Variants in MGMT observed in about 807,000 individuals in gnomAD.
MGMT encodes the protein methylated-DNA--protein-cysteine methyltransferase.
A neutral mutation model predicts 15.9 loss-of-function variants in MGMT; 14 were observed. The ratio of observed to expected loss-of-function variants is 0.88; its 90% CI spans 0.58 to 1.37. The LOEUF is 1.37. Among genes scored for constraint, MGMT ranks in the 40% most tolerant of loss-of-function variants. The probability of loss-of-function intolerance (pLI) is 0.00; values close to 1 mark genes in which losing one functional copy is unlikely to be tolerated. For missense variants in MGMT, 282 were observed against 268.1 expected, an observed-to-expected ratio of 1.05 and a Z score of -0.36; for synonymous variants, 130 against 118.2, an observed-to-expected ratio of 1.10 and a Z score of -0.65.
At chr10:129,579,835 T>C (rs1846531653) in intron 2 of MGMT, among the ~76,000 whole-genome samples, 1 of 152,184 alleles carries the variant, frequency 6.6e-6, no homozygotes, top group Non-Finnish European at 1.5e-5. Flanking sequence ...TTGACCTATA[T>C]GTTTTTGTTT....
At chr10:129,478,373 C>T (rs1458453855) in intron 1 of MGMT, among the ~76,000 whole-genome samples, 1 of 152,212 alleles carries the variant, frequency 6.6e-6, no homozygotes, top group Non-Finnish European at 1.5e-5. Context: ...TAAGATAGCT[C>T]TCTGAGACTG....
intron 2 of MGMT, among the ~76,000 whole-genome samples, chr10:129,671,874 T>C (rs1262302619): frequency 6.6e-6 from 1 of 152,234 alleles, no homozygotes; most frequent in Non-Finnish European, 1.5e-5. Flanking sequence ...AGATTGGCTA[T>C]GGACATGAGT....
At chr10:129,511,988 G>A (rs1845689193) in intron 1 of MGMT, among the ~76,000 whole-genome samples, 1 of 152,248 alleles carries the variant, frequency 6.6e-6, no homozygotes, top group Non-Finnish European at 1.5e-5. Flanking sequence ...CCAGGTCGAG[G>A]ATTTAAAGCC....
chr10:129,652,145 A>G (rs1290995746), intron 2 of MGMT, among the ~76,000 whole-genome samples: 5 of 152,274 alleles, frequency 3.3e-5, no homozygotes, highest in Non-Finnish European at 5.9e-5. Context: ...CCAGGACTGA[A>G]GACAACAGAA....
chr10:129,672,272 G>C (rs1271726974), intron 2 of MGMT, among the ~76,000 whole-genome samples: 3 of 152,228 alleles, frequency 2.0e-5, no homozygotes, highest in Admixed American at 6.5e-5. Context: ...TGAGAAGTCA[G>C]CTCTTCTTTC....
At chr10:129,605,575 AT>A (rs1272502916) in intron 2 of MGMT, among the ~76,000 whole-genome samples, 1 of 151,932 alleles carries the variant, frequency 6.6e-6, no homozygotes, top group African/African-American at 2.4e-5. Context: ...AGTGGATCAT[AT>A]TTAAAAAAAA....
chr10:129,716,756 T>C (rs1055466696), intron 3 of MGMT, among the ~76,000 whole-genome samples: 4 of 152,212 alleles, frequency 2.6e-5, no homozygotes, highest in Non-Finnish European at 4.4e-5. Context: ...CTGTAGAAAC[T>C]GTACCTATTT....
At chr10:129,656,018 G>A (rs1268455136) in intron 2 of MGMT, among the ~76,000 whole-genome samples, 1 of 152,188 alleles carries the variant, frequency 6.6e-6, no homozygotes, top group African/African-American at 2.4e-5. Context: ...TCTCAGAAGG[G>A]TCAGCTAGCC....
chr10:129,631,879 T>C (rs1296647420), intron 2 of MGMT, among the ~76,000 whole-genome samples: 5 of 152,196 alleles, frequency 3.3e-5, no homozygotes, highest in Non-Finnish European at 7.3e-5. Flanking sequence ...AATTAACTAT[T>C]ATTTATGTTT....
chr10:129,529,089 G>A (rs1419965730), intron 1 of MGMT, among the ~76,000 whole-genome samples: 1 of 152,020 alleles, frequency 6.6e-6, no homozygotes, highest in Non-Finnish European at 1.5e-5. Context: ...GATGACAGTG[G>A]CCACTGTGCA....
At chr10:129,605,849 CTG>C (rs1056286096) in intron 2 of MGMT, among the ~76,000 whole-genome samples, 5 of 151,462 alleles carry the variant, frequency 3.3e-5, no homozygotes, top group East Asian at 1.9e-4. Context: ...ACCCGTTGTG[CTG>C]TGTGTGTGTG....
Position 129,566,578 on chromosome 10 carries a change from C to A in MGMT, c.125+30201C>A, listed in dbSNP as rs1255194519. Among the ~76,000 whole-genome samples, 5 of 152,148 alleles carry A rather than the reference C, an allele frequency of 3.3e-5. No homozygotes were observed. The highest frequency in any genetic ancestry group is 2.9e-5 in the Non-Finnish European group (2 of 68,028). On this transcript the variant is annotated intron_variant, in intron 2 of 4. Transcript: ENST00000651593. This position sits in a 1 kb window ranked among gnomAD's most constrained non-coding sequence, Gnocchi z 4.1. ...TCATCATCCTGGTGGAGGTGTTGCACTGAGGACCACAGCAGCCCTCGCATT... is the reference window on the plus strand; with the variant it reads ...TCATCATCCTGGTGGAGGTGTTGCAATGAGGACCACAGCAGCCCTCGCATT...
At chr10:129,550,533 A>G (rs186360730) in intron 2 of MGMT, among the ~76,000 whole-genome samples, 1 of 148,488 alleles carries the variant, frequency 6.7e-6, no homozygotes, top group East Asian at 2.0e-4. Context: ...TGCAACCTCC[A>G]TCTCCCAGGT....
At chr10:129,506,304 C>G (rs1046809262) in intron 1 of MGMT, among the ~76,000 whole-genome samples, 1 of 152,142 alleles carries the variant, frequency 6.6e-6, no homozygotes, top group Admixed American at 6.5e-5. Flanking sequence ...TGGCCCCACC[C>G]CGGATTTCCC....
chr10:129,578,475 T>C (rs964497688), intron 2 of MGMT, among the ~76,000 whole-genome samples: 4 of 150,320 alleles, frequency 2.7e-5, no homozygotes, highest in South Asian at 4.2e-4. Flanking sequence ...TAGGTGGGAA[T>C]TGAACAATGA....
At chr10:129,588,524 C>A (rs77323148) in intron 2 of MGMT, among the ~76,000 whole-genome samples, 1 of 152,244 alleles carries the variant, frequency 6.6e-6, no homozygotes, top group South Asian at 2.1e-4. Context: ...TTCTGTGTCA[C>A]ATTCTTCCCA....
intron 2 of MGMT, among the ~76,000 whole-genome samples, chr10:129,539,575 C>T (rs1846022372): frequency 6.6e-6 from 1 of 151,894 alleles, no homozygotes; most frequent in East Asian, 2.0e-4. Flanking sequence ...GGTGTGATCT[C>T]GACTCACTGC....
At chr10:129,581,277 C>T (rs1033271033) in intron 2 of MGMT, among the ~76,000 whole-genome samples, 1 of 152,044 alleles carries the variant, frequency 6.6e-6, no homozygotes, top group Non-Finnish European at 1.5e-5. Flanking sequence ...TCTGCAGTGG[C>T]GTGACTGGGC....
At chr10:129,665,320 A>C (rs1297739720) in intron 2 of MGMT, among the ~76,000 whole-genome samples, 1 of 147,276 alleles carries the variant, frequency 6.8e-6, no homozygotes, top group Non-Finnish European at 1.5e-5. Flanking sequence ...CTCTCTCTCT[A>C]ACTCAGAAAA....
Sources: allele counts gnomAD v4.1 joint callset (sites outside exome capture counted in the v4.1 genomes callset), GRCh38; gene constraint gnomAD v4.1.1; non-coding constraint Gnocchi (gnomAD v3.1); transcripts MANE v1.5; gene names NCBI Gene and HGNC (gene_info 2026-07-23, HGNC 2026-07-21).